RASA2: variants seen among roughly 807,000 people sequenced by gnomAD.
The protein encoded by RASA2 is RAS p21 protein activator 2.
A neutral mutation model predicts 118.2 loss-of-function variants in RASA2; 155 were observed. That is an observed-to-expected ratio of 1.31 (90% CI 1.15 to 1.50). The LOEUF is 1.50. Among genes scored for constraint, RASA2 ranks in the 40% most tolerant of loss-of-function variants. RASA2 has a pLI of 0.00. For synonymous variants in RASA2, 353 were observed against 349.1 expected (o/e 1.01, Z -0.12); for missense variants, 1,016 against 1,009.6 (o/e 1.01, Z -0.09).
rs1177199746 is a variant in RASA2, at chr3:141,613,950, G to T, written c.*1637G>T. 1 of 152,118 alleles carries T rather than the reference G, an allele frequency of 6.6e-6. No homozygotes were observed. The highest frequency in any genetic ancestry group is 2.4e-5 in the African/African-American group (1 of 41,424). 9.4% of individuals were successfully genotyped at this position (152,118 alleles called of 1,614,324 possible). ...GTCCTTTAAATTTTATAAGCTTGTA[G>T]ATTCCATAAACTACACTGATTTATA... is the stretch of plus-strand genomic sequence containing the variant. On this transcript the variant is annotated 3_prime_UTR_variant, in exon 24 of 24. Transcript: ENST00000286364.
chr3:141,542,216 A>G (rs2151103525), intron 5 of RASA2, among the ~76,000 whole-genome samples: 1 of 152,272 alleles, frequency 6.6e-6, no homozygotes, highest in Middle Eastern at 3.4e-3. Context: ...CCAAGCAACC[A>G]TGATCTGATT....
chr3:141,585,121 C>A lies in RASA2; in HGVS notation c.1753-904C>A, dbSNP rs1577789461. Among the ~76,000 whole-genome samples the A allele has an allele frequency of 2.0e-5, 3 of 151,942 alleles. No homozygotes were observed. The East Asian group carries it at 5.8e-4, about 29-fold the overall frequency. On this transcript the variant is annotated intron_variant, in intron 17 of 23. Transcript: ENST00000286364. ...GAGCCATACTTTGGTGATTCTTAACCTATAATAAAGGTTCACAATCTTATA... is the reference window on the plus strand; with the variant it reads ...GAGCCATACTTTGGTGATTCTTAACATATAATAAAGGTTCACAATCTTATA...
chr3:141,497,280 C>T lies in RASA2; in HGVS notation c.133+10064C>T, dbSNP rs895829597. ...GGCACATGTATACATATGTAACAAA[C>T]CTGCACATTGTGCACATGTACCCTA... On this transcript the variant is annotated intron_variant, in intron 1 of 23. Coordinates refer to ENST00000286364, the MANE Select transcript of RASA2 (RefSeq NM_006506.5). Among the ~76,000 whole-genome samples, 10 of 150,002 alleles carry T rather than the reference C, an allele frequency of 6.7e-5. No homozygotes were observed. In the South Asian group the frequency reaches 1.7e-3, roughly 25 times the overall value.
intron 15 of RASA2, 76 bp downstream of exon 15, chr3:141,577,182 C>A: frequency 9.0e-7 from 1 of 1,105,176 alleles, no homozygotes; most frequent in Non-Finnish European, 1.3e-6. Flanking sequence ...TAAAATAAAC[C>A]AATTTCACTA....
chr3:141,525,534 A>G (rs528147883), intron 3 of RASA2, among the ~76,000 whole-genome samples: 1 of 152,260 alleles, frequency 6.6e-6, no homozygotes, highest in African/African-American at 2.4e-5. Context: ...AACTGGCCAC[A>G]GTGGCTCATG....
At chr3:141,504,252 T>C (rs147941931) in intron 1 of RASA2, among the ~76,000 whole-genome samples, 84 of 152,322 alleles carry the variant, frequency 5.5e-4, no homozygotes, top group Admixed American at 2.0e-3. Flanking sequence ...CATTGTGATT[T>C]TGTATTGTCT....
chr3:141,585,935 C>T lies in RASA2; in HGVS notation c.1753-90C>T, dbSNP rs546451790. On this transcript the variant is annotated intron_variant, in intron 17 of 23. Coordinates refer to ENST00000286364, the MANE Select transcript of RASA2 (RefSeq NM_006506.5). ...TGTATTCATTAATAATGAAGAACTT[C>T]CCATTATAATTAATGACATGTAAGA... is the stretch of plus-strand genomic sequence containing the variant. The T allele has an allele frequency of 5.2e-5, 49 of 948,962 alleles. No homozygotes were observed. The South Asian group carries it at 6.5e-4, about 13-fold the overall frequency. 58.8% of individuals were successfully genotyped at this position (948,962 alleles called of 1,614,324 possible). A position where few individuals can be genotyped will look rare whatever the true frequency, so the allele number is the denominator to read the frequency against.
chr3:141,561,717 G>A (rs2151120533), intron 9 of RASA2, among the ~76,000 whole-genome samples: 1 of 152,264 alleles, frequency 6.6e-6, no homozygotes, highest in South Asian at 2.1e-4. Flanking sequence ...TTCTAATGTT[G>A]ATGTTAAGAG....
rs549854097 is a variant in RASA2, at chr3:141,603,156, A to G, written c.1934-4522A>G. 2.4e-4 allele frequency among the ~76,000 whole-genome samples: 37 copies of G among 152,242 alleles called. No individual in the cohort carries two copies. In the East Asian group the frequency reaches 5.0e-3, roughly 21 times the overall value. Reference sequence around the variant, plus strand: ...TGTTTTTAACAATTTGCCCAGTTTTATACACCCATCTTTCTTAACACTATT... The same window carrying G: ...TGTTTTTAACAATTTGCCCAGTTTTGTACACCCATCTTTCTTAACACTATT... On this transcript the variant is annotated intron_variant, in intron 19 of 23. Transcript: ENST00000286364.
intron 1 of RASA2, among the ~76,000 whole-genome samples, chr3:141,505,007 C>T (rs2081843180): frequency 1.3e-5 from 2 of 152,184 alleles, no homozygotes; most frequent in Admixed American, 1.3e-4. Flanking sequence ...CAGGTATCTG[C>T]TTAAATATTT....
intron 19 of RASA2, among the ~76,000 whole-genome samples, chr3:141,587,927 G>T (rs2083231537): frequency 6.6e-6 from 1 of 151,996 alleles, no homozygotes; most frequent in South Asian, 2.1e-4. Context: ...GATGCATATA[G>T]ATCTTAATTT....
intron 5 of RASA2, among the ~76,000 whole-genome samples, chr3:141,550,874 T>C (rs1202209154): frequency 6.6e-6 from 1 of 152,168 alleles, no homozygotes; most frequent in African/African-American, 2.4e-5. Flanking sequence ...GAAGTACTGA[T>C]TCTCATGTCT....
chr3:141,487,312 T>A, intron 1 of RASA2, 96 bp downstream of exon 1: 2 of 1,095,122 alleles, frequency 1.8e-6, no homozygotes, highest in Non-Finnish European at 2.2e-6. Context: ...CGAGCTGCGC[T>A]GGGATCGCGG....
Position 141,586,661 on chromosome 3 carries a change from A to C in RASA2, c.1842A>C (p.Arg614Ser). 3 of 1,611,030 alleles carry C rather than the reference A, an allele frequency of 1.9e-6. No homozygotes were observed. Among genetic ancestry groups the C allele is most frequent in the Non-Finnish European group, 2.5e-6 (3 of 1,177,552 alleles). Residue 614 changes from arginine (R) to serine (S), a missense_variant, in exon 19 of 24, where the codon AGA becomes AGC. Physicochemically the swap from Arg to Ser is moderately radical, Grantham distance 110. Around this residue, in one of 2 missense-constraint regions of RASA2, gnomAD observed 896 missense variants for 836.4 expected, o/e 1.07. Coordinates refer to ENST00000286364, the MANE Select transcript of RASA2 (RefSeq NM_006506.5). ...VHLKEGEMYK[R>S]AQGRTRIGKK... ...ATGTTGGCAGTGAGATGTATAAAAG[A>C]GCTCAAGGAAGAACTCGGATTGGAA...
At chr3:141,584,352 AAAAG>A (rs1228798247) in intron 17 of RASA2, among the ~76,000 whole-genome samples, 84 of 149,034 alleles carry the variant, frequency 5.6e-4, no homozygotes, top group African/African-American at 1.7e-3. Context: ...AAAAAAAAAA[AAAAG>A]AAAGGAAAAA....
chr3:141,604,848 A>G (rs2083522330), intron 19 of RASA2, among the ~76,000 whole-genome samples: 1 of 152,100 alleles, frequency 6.6e-6, no homozygotes, highest in Admixed American at 6.5e-5. Context: ...TGGCACATGT[A>G]TACATATGTA....
chr3:141,556,124 G>A (rs1332423259), intron 7 of RASA2, among the ~76,000 whole-genome samples: 1 of 152,132 alleles, frequency 6.6e-6, no homozygotes, highest in Admixed American at 6.5e-5. Context: ...GAGCAGGAAG[G>A]GCCAGGGCCA....
rs186933290 is a variant in RASA2, at chr3:141,513,442, T to G, written c.251+1162T>G. Among the ~76,000 whole-genome samples the G allele has an allele frequency of 3.3e-5, 5 of 152,262 alleles. No individual in the cohort carries two copies. In the East Asian group the frequency reaches 9.6e-4, roughly 29 times the overall value. On this transcript the variant is annotated intron_variant, in intron 2 of 23. Transcript: ENST00000286364. ...TTTAGAATGTACTTTAAACATAATATTTGAATGTGGATGTGATATATAAAG... is the reference window on the plus strand; with the variant it reads ...TTTAGAATGTACTTTAAACATAATAGTTGAATGTGGATGTGATATATAAAG...
At chr3:141,549,745 T>G (rs1365517792) in intron 5 of RASA2, among the ~76,000 whole-genome samples, 1 of 152,146 alleles carries the variant, frequency 6.6e-6, no homozygotes, top group Non-Finnish European at 1.5e-5. Flanking sequence ...TAAAAGAACC[T>G]GGACTCCTTT....
Sources: gnomAD v4.1 joint callset for allele counts (sites outside exome capture counted in the v4.1 genomes callset) on GRCh38, gnomAD v4.1.1 for gene constraint, gnomAD v4.1.1 regional missense constraint, MANE v1.5 for transcripts, NCBI Gene and HGNC (gene_info 2026-07-23, HGNC 2026-07-21) for gene names.